CCSER1: variants seen among roughly 807,000 people sequenced by gnomAD.
CCSER1 encodes the protein coiled-coil serine rich protein 1.
Under a neutral mutation model 82.0 loss-of-function variants are expected in CCSER1, and 41 were observed. That is an observed-to-expected ratio of 0.50 (90% CI 0.39 to 0.65). CCSER1 has a LOEUF of 0.65. Ranked by LOEUF, CCSER1 falls within the 30% of genes least tolerant of loss-of-function variation. CCSER1 has a pLI of 0.00. For synonymous variants in CCSER1, 414 were observed against 383.9 expected (o/e 1.08, Z -0.92); for missense variants, 1,119 against 1,064.2 (o/e 1.05, Z -0.72).
chr4:90,307,712 T>C (rs1307312951), intron 1 of CCSER1, among the ~76,000 whole-genome samples: 1 of 152,044 alleles, frequency 6.6e-6, no homozygotes, highest in Non-Finnish European at 1.5e-5. Context: ...GTGCTGATTG[T>C]AGTGTCAGGC....
chr4:90,704,160 G>T (rs1738790718), intron 6 of CCSER1, among the ~76,000 whole-genome samples: 1 of 152,134 alleles, frequency 6.6e-6, no homozygotes, highest in African/African-American at 2.4e-5. Context: ...CTCTTTTAGG[G>T]CAGGCCTGGT....
chr4:90,478,584 C>G (rs1261899788), intron 5 of CCSER1, among the ~76,000 whole-genome samples: 1 of 152,096 alleles, frequency 6.6e-6, no homozygotes, highest in Admixed American at 6.6e-5. Flanking sequence ...CTAAGCTTTG[C>G]AAACACGTAT....
chr4:91,187,542 T>TTA, intron 10 of CCSER1, among the ~76,000 whole-genome samples: 1 of 72,438 alleles, frequency 1.4e-5, no homozygotes, highest in East Asian at 3.8e-4. Context: ...ATCAATAAAT[T>TTA]TGTTTTTTTT....
chr4:90,363,511 CAT>C (rs1360466041), intron 3 of CCSER1, among the ~76,000 whole-genome samples: 1 of 151,848 alleles, frequency 6.6e-6, no homozygotes, highest in African/African-American at 2.4e-5. Context: ...TAAGTGCACT[CAT>C]GTGTTTGAGA....
At chr4:91,164,709 C>A (rs1360481757) in intron 10 of CCSER1, among the ~76,000 whole-genome samples, 1 of 152,062 alleles carries the variant, frequency 6.6e-6, no homozygotes, top group Non-Finnish European at 1.5e-5. Flanking sequence ...CCCTTTCTTC[C>A]ACTTGATTGA....
chr4:91,019,334 A>G (rs546813670), intron 9 of CCSER1, among the ~76,000 whole-genome samples: 3 of 152,180 alleles, frequency 2.0e-5, no homozygotes, highest in East Asian at 1.9e-4. Flanking sequence ...CATGGGTTCT[A>G]TGTAAAGCTA....
rs1741242159 is a variant in CCSER1 at position 90,340,783 on chromosome 4, A to G, written c.1509+27736A>G. ...CTAATTTCAATCAAAGTACAGTTTA[A>G]TTTAAAATTTCATTGTTAATTGTAG... On this transcript the variant is annotated intron_variant, in intron 3 of 10. Coordinates refer to ENST00000509176, the MANE Select transcript of CCSER1 (RefSeq NM_001145065.2). Among the ~76,000 whole-genome samples the G allele has an allele frequency of 4.6e-5, 7 of 152,112 alleles. No individual in the cohort carries two copies. In the South Asian group the frequency reaches 1.4e-3, roughly 31 times the overall value.
chr4:90,855,637 A>G (rs1408243530), intron 8 of CCSER1, among the ~76,000 whole-genome samples: 1 of 152,150 alleles, frequency 6.6e-6, no homozygotes, highest in Non-Finnish European at 1.5e-5. Flanking sequence ...TTTTAACTCT[A>G]AAGTGTGTTA....
chr4:91,392,454 TAAG>T (rs1199838530), intron 10 of CCSER1, among the ~76,000 whole-genome samples: 3 of 151,762 alleles, frequency 2.0e-5, no homozygotes. Context: ...AACTATAAAA[TAAG>T]GAGTAACTTC....
At chr4:90,655,094 A>T (rs994139043) in intron 6 of CCSER1, among the ~76,000 whole-genome samples, 2 of 152,192 alleles carry the variant, frequency 1.3e-5, no homozygotes, top group East Asian at 3.9e-4. Context: ...TCACTATATT[A>T]AAAAAGTATA....
In CCSER1 at chr4:90,415,733, G is replaced by A. The variant is rs137900615; in HGVS notation, c.1603+15604G>A. Among the ~76,000 whole-genome samples, 76 of 152,288 alleles carry A rather than the reference G, an allele frequency of 5.0e-4. 1 individual carries two copies. The highest frequency in any genetic ancestry group is 1.8e-3 in the African/African-American group (73 of 41,568). ...CCATGGTAAACTAAAACAAGGTCCT[G>A]TTTCTATTTCGGCTACTCATAGGAT... On this transcript the variant is annotated intron_variant, in intron 4 of 10. Transcript: ENST00000509176.
chr4:91,524,273 CT>C (rs1560737337), intron 10 of CCSER1, among the ~76,000 whole-genome samples: 1 of 152,088 alleles, frequency 6.6e-6, no homozygotes, highest in South Asian at 2.1e-4. Flanking sequence ...TATAACATCT[CT>C]TTTTTTGAAG....
At chr4:91,030,238 A>G (rs1332230097) in intron 9 of CCSER1, among the ~76,000 whole-genome samples, 1 of 152,142 alleles carries the variant, frequency 6.6e-6, no homozygotes, top group Non-Finnish European at 1.5e-5. Flanking sequence ...GGAAAACCAA[A>G]GATGAAAAAT....
At chr4:90,939,813 G>A (rs983581414) in intron 9 of CCSER1, among the ~76,000 whole-genome samples, 1 of 151,968 alleles carries the variant, frequency 6.6e-6, no homozygotes, top group Non-Finnish European at 1.5e-5. Flanking sequence ...ACACAAAATG[G>A]TGTATTTGCC....
intron 1 of CCSER1, among the ~76,000 whole-genome samples, chr4:90,302,565 C>A (rs1733361272): frequency 6.6e-6 from 1 of 152,142 alleles, no homozygotes; most frequent in African/African-American, 2.4e-5. Flanking sequence ...CTTTGGGACA[C>A]CGAGGCAGGA....
intron 10 of CCSER1, among the ~76,000 whole-genome samples, chr4:91,376,069 T>A (rs1413178219): frequency 6.6e-6 from 1 of 151,992 alleles, no homozygotes; most frequent in Non-Finnish European, 1.5e-5. Context: ...ACATAAAACT[T>A]TAGATCAGCA....
chr4:90,301,403 T>TA lies in CCSER1; in HGVS notation c.-41-6838dup, dbSNP rs570144572. Among the ~76,000 whole-genome samples the TA allele has an allele frequency of 2.9e-3, 444 of 152,250 alleles. 2 individuals are homozygous for TA. Among genetic ancestry groups the TA allele is most frequent in the African/African-American group, 0.01 (431 of 41,554 alleles). On this transcript the variant is annotated intron_variant, in intron 1 of 10. Transcript: ENST00000509176. ...ACTGTACTTTCTGGAAGCCTTTTGT[T>TA]AAATCCTGGTGCTAAAGAACAAAAG...
intron 10 of CCSER1, among the ~76,000 whole-genome samples, chr4:91,542,870 C>T (rs906907465): frequency 2.6e-5 from 4 of 151,976 alleles, no homozygotes; most frequent in African/African-American, 9.7e-5. Flanking sequence ...TACTTTTTTT[C>T]TCTTTGATCT....
intron 1 of CCSER1, among the ~76,000 whole-genome samples, chr4:90,219,672 T>A (rs1174816235): frequency 1.3e-5 from 2 of 152,136 alleles, no homozygotes; most frequent in Non-Finnish European, 2.9e-5. Context: ...CCACTACTTG[T>A]ATTGGGCATA....
Sources: gnomAD v4.1 joint callset for allele counts (sites outside exome capture counted in the v4.1 genomes callset) on GRCh38, gnomAD v4.1.1 for gene constraint, MANE v1.5 for transcripts, NCBI Gene and HGNC (gene_info 2026-07-23, HGNC 2026-07-21) for gene names.